The following SLC6A9 variants were observed in gnomAD, a reference collection of about 807,000 sequenced individuals.
SLC6A9 encodes sodium- and chloride-dependent glycine transporter 1.
Under a neutral mutation model 70.9 loss-of-function variants are expected in SLC6A9, and 31 were observed. That is an observed-to-expected ratio of 0.44 (90% confidence interval 0.33 to 0.59). The LOEUF (loss-of-function observed/expected upper bound fraction) is 0.59, where lower values mean the gene tolerates loss of function less well. Among genes scored for constraint, SLC6A9 ranks in the 20% least tolerant of loss-of-function variants. The probability of loss-of-function intolerance (pLI) is 0.04; values close to 1 mark genes in which losing one functional copy is unlikely to be tolerated. For synonymous variants in SLC6A9, 310 were observed against 341.3 expected (o/e 0.91, Z 1.01); for missense variants, 631 against 845.2 (o/e 0.75, Z 3.14).
In SLC6A9 at chr1:44,008,481, A is replaced by G; in HGVS notation, c.462T>C (p.His154=). Residue 154 remains histidine, a synonymous_variant, in exon 5 of 14, where the codon CAT becomes CAC. Transcript: ENST00000372310. ...WAYCNNPWNT[H]DCAGVLDASN... is the part of the protein sequence containing the mutation. Reference sequence around the variant, plus strand: ...AGGCGTCCAGTACACCGGCGCAGTCATGCGTGTTCCAGGGGTTATTGCAGT... The same window carrying G: ...AGGCGTCCAGTACACCGGCGCAGTCGTGCGTGTTCCAGGGGTTATTGCAGT... 6.2e-7 allele frequency: 1 copy of G among 1,614,222 alleles called. No homozygotes were observed. The highest frequency in any genetic ancestry group is 8.5e-7 in the Non-Finnish European group (1 of 1,180,026).
intron 2 of SLC6A9, among the ~76,000 whole-genome samples, chr1:44,020,462 T>C (rs1419851986): frequency 6.6e-6 from 1 of 152,218 alleles, no homozygotes; most frequent in Non-Finnish European, 1.5e-5. Flanking sequence ...GAGCACCCAC[T>C]GTGTACCTGG....
chr1:44,010,187 C>T (rs577443795), intron 3 of SLC6A9, 91 bp from the exon 4 acceptor site: 25 of 1,450,590 alleles, frequency 1.7e-5, no homozygotes, highest in Middle Eastern at 1.8e-4. Context: ...AAAACCTTCG[C>T]GATTGGGTAG....
intron 2 of SLC6A9, among the ~76,000 whole-genome samples, chr1:44,017,869 T>C (rs2154306945): frequency 6.6e-6 from 1 of 152,302 alleles, no homozygotes; most frequent in Admixed American, 6.5e-5. Context: ...TAAGAACCCG[T>C]GAGGATTTGC....
chr1:44,028,262 AGGCCT>A (rs1268109840), intron 1 of SLC6A9, among the ~76,000 whole-genome samples: 13 of 152,202 alleles, frequency 8.5e-5, no homozygotes, highest in Non-Finnish European at 1.9e-4. Flanking sequence ...GTGGACAGAG[AGGCCT>A]GGCCAGGGCC....
intron 5 of SLC6A9, among the ~76,000 whole-genome samples, chr1:44,006,757 C>A (rs1484801589): frequency 6.6e-6 from 1 of 152,282 alleles, no homozygotes; most frequent in Non-Finnish European, 1.5e-5. Flanking sequence ...TGGGGGACAG[C>A]AACTGTGTTC....
intron 1 of SLC6A9, among the ~76,000 whole-genome samples, chr1:44,029,040 G>A (rs1387533063): frequency 6.6e-6 from 1 of 152,222 alleles, no homozygotes; most frequent in East Asian, 1.9e-4. Context: ...GACGAATGCT[G>A]GTGAGGCTGC....
At position 44,002,281 on chromosome 1, in the gene SLC6A9, G is replaced by T; in HGVS notation, c.962+32C>A. On this transcript the variant is annotated intron_variant, in intron 8 of 13. Coordinates refer to ENST00000372310, the MANE Select transcript of SLC6A9 (RefSeq NM_001024845.3). This position sits in a 1 kb window ranked among gnomAD's most constrained non-coding sequence, Gnocchi z 5.5. ...ATCAGGCTGCAGAGAGTGCAGGAAG[G>T]GGGCAGCCTCAGCCCAGCAGGGAGC... 2.7e-6 allele frequency: 4 copies of T among 1,489,214 alleles called. No individual in the cohort carries two copies. The highest frequency in any genetic ancestry group is 2.3e-5 in the South Asian group (2 of 88,552). 92.3% of individuals were successfully genotyped at this position (1,489,214 alleles called of 1,614,324 possible). A position where few individuals can be genotyped will look rare whatever the true frequency, so the allele number is the denominator to read the frequency against.
intron 2 of SLC6A9, among the ~76,000 whole-genome samples, chr1:44,019,619 T>C (rs984979846): frequency 6.6e-6 from 1 of 152,238 alleles, no homozygotes; most frequent in Non-Finnish European, 1.5e-5. Context: ...CAGGCAGCCA[T>C]GGCTGGACGG....
chr1:44,002,635 G>C lies in SLC6A9; in HGVS notation c.735C>G (p.Phe245Leu). Residue 245 changes from phenylalanine (F) to leucine (L), a missense_variant, in exon 7 of 14, where the codon TTC (phenylalanine) becomes TTG (leucine). Physicochemically the swap from Phe to Leu is conservative, Grantham distance 22 (BLOSUM62 0). Coordinates refer to ENST00000372310, the MANE Select transcript of SLC6A9 (RefSeq NM_001024845.3). The surrounding 1 kb of genome is among the most constrained non-coding windows in gnomAD (Gnocchi z 5.5). ...GCACCACGTAGGGGAACGTGGCCGT[G>C]AAGTACACCACCTGGCACAAGAGGG... ...GVKSSGKVVY[F>L]TATFPYVVLT... The C allele has an allele frequency of 6.2e-7, 1 of 1,614,156 alleles. No homozygotes were observed. The highest frequency in any genetic ancestry group is 8.5e-7 in the Non-Finnish European group (1 of 1,180,004).
rs148478578 is a variant in SLC6A9, at chr1:44,004,292, G to A, written c.591-1307C>T. 2.3e-3 allele frequency among the ~76,000 whole-genome samples: 342 copies of A among 151,958 alleles called. 1 individual carries two copies. The highest frequency in any genetic ancestry group is 8.1e-3 in the African/African-American group (336 of 41,410). On this transcript the variant is annotated intron_variant, in intron 5 of 13. Transcript: ENST00000372310. ...ATTACAGGCGTGAGCCACCACGCCT[G>A]GCCTGAAGGATTTTTTAATACTTTG...
intron 5 of SLC6A9, among the ~76,000 whole-genome samples, chr1:44,006,327 C>T (rs2086309576): frequency 1.3e-5 from 2 of 152,148 alleles, no homozygotes; most frequent in South Asian, 4.1e-4. Context: ...GTGGCTCATG[C>T]CTGTAACCCC....
At chr1:44,022,698 TTTTCTTTC>T (rs1178244275) in intron 2 of SLC6A9, among the ~76,000 whole-genome samples, 4 of 107,148 alleles carry the variant, frequency 3.7e-5, no homozygotes, top group South Asian at 2.6e-4. Context: ...GTTTTTTAAT[TTTTCTTTC>T]TTTCTTTCTT....
chr1:44,002,236 A>G lies in SLC6A9; in HGVS notation c.962+77T>C. Reference sequence around the variant, plus strand: ...AGGGGAAAGGAGGCCTCGTGGGCCCATGGCTGCACTGGAGCTGAGATCAGG... The same window carrying G: ...AGGGGAAAGGAGGCCTCGTGGGCCCGTGGCTGCACTGGAGCTGAGATCAGG... On this transcript the variant is annotated intron_variant, in intron 8 of 13. Coordinates refer to ENST00000372310, the MANE Select transcript of SLC6A9 (RefSeq NM_001024845.3). The surrounding 1 kb of genome is among the most constrained non-coding windows in gnomAD (Gnocchi z 5.5). The G allele has an allele frequency of 1.9e-6, 2 of 1,027,260 alleles. No homozygotes were observed. Among genetic ancestry groups the G allele is most frequent in the East Asian group, 2.4e-5 (1 of 41,834 alleles). The allele number at this position is 1,027,260 out of a possible 1,614,324, so 63.6% of individuals were successfully genotyped here.
At chr1:44,020,753 G>A (rs1001092886) in intron 2 of SLC6A9, among the ~76,000 whole-genome samples, 4 of 152,212 alleles carry the variant, frequency 2.6e-5, no homozygotes, top group Non-Finnish European at 5.9e-5. Context: ...GTCCTATGAC[G>A]GATGCTACAG....
chr1:43,999,089 G>A (rs924348408), intron 12 of SLC6A9, among the ~76,000 whole-genome samples: 11 of 152,104 alleles, frequency 7.2e-5, no homozygotes, highest in African/African-American at 2.2e-4. Context: ...GGGACCCTCC[G>A]GAGACACTGC....
chr1:44,021,308 A>G (rs2086879020), intron 2 of SLC6A9, among the ~76,000 whole-genome samples: 1 of 151,624 alleles, frequency 6.6e-6, no homozygotes, highest in Non-Finnish European at 1.5e-5. Flanking sequence ...CTGTCCTAGG[A>G]GCTGCTGAGG....
Position 44,013,512 on chromosome 1 carries a change from G to A in SLC6A9, c.31-2630C>T, listed in dbSNP as rs563111054. On this transcript the variant is annotated intron_variant, in intron 2 of 13. Coordinates refer to ENST00000372310, the MANE Select transcript of SLC6A9 (RefSeq NM_001024845.3). The surrounding 1 kb of genome is among the most constrained non-coding windows in gnomAD (Gnocchi z 5.3). ...ACAGGGCTGAACCGGGGTTGGCGAC[G>A]GGGCTCTGGCAGGAAGTTTCTGACA... Among the ~76,000 whole-genome samples the A allele has an allele frequency of 4.6e-5, 7 of 152,354 alleles. No homozygotes were observed. Among genetic ancestry groups the A allele is most frequent in the Non-Finnish European group, 8.8e-5 (6 of 68,028 alleles).
In SLC6A9 at chr1:44,001,444, C is replaced by T. The variant is rs76354303; in HGVS notation, c.1146G>A (p.Pro382=). The T allele has an allele frequency of 0.012, 19,242 of 1,613,966 alleles. 153 individuals carry two copies. The highest frequency in any genetic ancestry group is 0.014 in the Non-Finnish European group (16,789 of 1,179,902). Residue 382 remains proline (P), a synonymous_variant, in exon 9 of 14, where the codon CCG becomes CCA. Coordinates refer to ENST00000372310, the MANE Select transcript of SLC6A9 (RefSeq NM_001024845.3). The stretch of plus-strand genomic sequence containing the variant: ...TGAAGAAGAAGAGCAGAGACCACAG[C>T]GGGGAGATGGGAAGTAGTGTGAGGG... ...PEALTLLPIS[P]LWSLLFFFML...
intron 2 of SLC6A9, chr1:44,016,342 T>C (rs1030772211): frequency 2.6e-5 from 4 of 152,374 alleles, no homozygotes; most frequent in Non-Finnish European, 5.9e-5. Context: ...CCCTGCGTAC[T>C]GTTCCTCCCA....
Sources: gnomAD v4.1 joint callset for allele counts (sites outside exome capture counted in the v4.1 genomes callset) on GRCh38, gnomAD v4.1.1 for gene constraint, Gnocchi (gnomAD v3.1) non-coding constraint, MANE v1.5 for transcripts, NCBI Gene and HGNC (gene_info 2026-07-23, HGNC 2026-07-21) for gene names.